Variants in SPTBN4 observed in about 807,000 individuals in gnomAD.
The protein encoded by SPTBN4 is spectrin beta, non-erythrocytic 4, also known as spectrin beta chain, non-erythrocytic 4.
Under a neutral mutation model 277.8 loss-of-function variants are expected in SPTBN4, and 96 were observed. The ratio of observed to expected loss-of-function variants is 0.35; its 90% CI spans 0.29 to 0.41. The LOEUF (loss-of-function observed/expected upper bound fraction) is 0.41, where lower values mean the gene tolerates loss of function less well. Ranked by LOEUF, SPTBN4 falls within the 10% of genes least tolerant of loss-of-function variation. SPTBN4 has a pLI of 1.00. For missense variants in SPTBN4, 3,006 were observed against 3,595.7 expected (o/e 0.84, Z 4.19); for synonymous variants, 1,481 against 1,580.3 (o/e 0.94, Z 1.49).
At chr19:40,562,184 G>A (rs1367562768) in intron 27 of SPTBN4, among the ~76,000 whole-genome samples, 2 of 152,170 alleles carry the variant, frequency 1.3e-5, no homozygotes, top group African/African-American at 2.4e-5. Context: ...TATGAGGAAC[G>A]TGGGAGCCAT....
chr19:40,513,097 C>T lies in SPTBN4; in HGVS notation c.2308C>T (p.Gln770Ter). 7.0e-7 allele frequency: 1 copy of T among 1,427,140 alleles called. No homozygotes were observed. Among genetic ancestry groups the T allele is most frequent in the Non-Finnish European group, 9.1e-7 (1 of 1,097,202 alleles). 88.4% of individuals were successfully genotyped at this position (1,427,140 alleles called of 1,614,324 possible). The change falls in exon 14 of 36, where the codon CAG becomes TAG. Residue 770 changes from glutamine to a stop codon, truncating the protein, a stop_gained. Coordinates refer to ENST00000598249, the MANE Select transcript of SPTBN4 (RefSeq NM_020971.3). LOFTEE classifies it high-confidence loss of function. The part of the protein sequence containing the change: ...EAAARRERRL[Q>*]EARALHQFGA... ...GGCGGCGCGGCGAGAGCGGCGGCTG[C>T]AGGAGGCGCGGGCGCTGCACCAGTT...
chr19:40,487,676 T>A, intron 2 of SPTBN4, 21 bp from the exon 3 acceptor site: 1 of 1,599,356 alleles, frequency 6.3e-7, no homozygotes, highest in Admixed American at 1.7e-5. Flanking sequence ...GCCTGGGGGC[T>A]CATCAGGGCC....
At chr19:40,574,919 G>A (rs1363160690) in intron 35 of SPTBN4, among the ~76,000 whole-genome samples, 1 of 150,476 alleles carries the variant, frequency 6.6e-6, no homozygotes, top group African/African-American at 2.5e-5. Context: ...GGAGACTGAG[G>A]CACAAGAATC....
rs41327144 is a variant in SPTBN4, at chr19:40,467,317, G to A, written c.-16+12G>A. 0.049 allele frequency: 7,477 copies of A among 152,272 alleles called. 225 individuals are homozygous for A. The highest frequency in any genetic ancestry group is 0.064 in the African/African-American group (2,670 of 41,506). 9.4% of individuals were successfully genotyped at this position (152,272 alleles called of 1,614,324 possible). A position where few individuals can be genotyped will look rare whatever the true frequency, so the allele number is the denominator to read the frequency against. ...GGCCGCGGGCCCAGGTGAGCTGCTAGGGGGGCCGACAGCCCCTCCCCCAAG... is the reference window on the plus strand; with the variant it reads ...GGCCGCGGGCCCAGGTGAGCTGCTAAGGGGGCCGACAGCCCCTCCCCCAAG... On this transcript the variant is annotated intron_variant, in intron 1 of 35. Coordinates refer to ENST00000598249, the MANE Select transcript of SPTBN4 (RefSeq NM_020971.3).
intron 27 of SPTBN4, among the ~76,000 whole-genome samples, chr19:40,561,822 CAA>C (rs59811599): frequency 1.9e-4 from 11 of 58,524 alleles, no homozygotes; most frequent in East Asian, 4.8e-4. Flanking sequence ...AACTCCGTCT[CAA>C]AAAAAAAAAA....
At chr19:40,561,683 A>G (rs900876154) in intron 27 of SPTBN4, among the ~76,000 whole-genome samples, 1 of 151,980 alleles carries the variant, frequency 6.6e-6, no homozygotes, top group African/African-American at 2.4e-5. Flanking sequence ...TTAGCCAGGC[A>G]TAGTGGTGGA....
chr19:40,495,003 G>A, intron 6 of SPTBN4, 26 bp downstream of exon 6: 9 of 1,611,194 alleles, frequency 5.6e-6, no homozygotes, highest in Non-Finnish European at 7.6e-6. Context: ...GGACAGCCCA[G>A]TCCTGCCCTT....
At position 40,557,693 on chromosome 19, in the gene SPTBN4, G is replaced by A. The variant is rs576780618; in HGVS notation, c.5670+290G>A. On this transcript the variant is annotated intron_variant, in intron 26 of 35. Transcript: ENST00000598249. ...CTCCCTTTGGGAGGCCAACGCAGGCGGATCATCTGAGGTCAGGAGTTTAAG... is the reference window on the plus strand; with the variant it reads ...CTCCCTTTGGGAGGCCAACGCAGGCAGATCATCTGAGGTCAGGAGTTTAAG... 7.2e-5 allele frequency among the ~76,000 whole-genome samples: 11 copies of A among 152,190 alleles called. No individual in the cohort carries two copies. In the South Asian group the frequency reaches 1.9e-3, roughly 26 times the overall value.
In SPTBN4 at chr19:40,515,291, G is replaced by A; in HGVS notation, c.2766-20G>A. 6.2e-7 allele frequency: 1 copy of A among 1,611,368 alleles called. No individual in the cohort carries two copies. The highest frequency in any genetic ancestry group is 8.5e-7 in the Non-Finnish European group (1 of 1,178,962). On this transcript the variant is annotated intron_variant, in intron 14 of 35. Coordinates refer to ENST00000598249, the MANE Select transcript of SPTBN4 (RefSeq NM_020971.3). This position sits in a 1 kb window ranked among gnomAD's most constrained non-coding sequence, Gnocchi z 4.1. ...AGGTCCGCAGGGTTCGGGTGTCTGA[G>A]CATCTCCATCCTCCTGCAGATTCGA...
intron 21 of SPTBN4, 117 bp from the exon 22 acceptor site, chr19:40,550,121 C>G (rs572333237): frequency 1.4e-6 from 1 of 726,498 alleles, no homozygotes; most frequent in Non-Finnish European, 2.2e-6. Flanking sequence ...GCTGAATATT[C>G]AACTGGGCTC....
At chr19:40,558,306 G>A (rs1479635294) in intron 26 of SPTBN4, among the ~76,000 whole-genome samples, 5 of 151,308 alleles carry the variant, frequency 3.3e-5, no homozygotes, top group Non-Finnish European at 5.9e-5. Context: ...GCAGTGAGCC[G>A]AGATCGCGCC....
In SPTBN4 at chr19:40,554,393, G is replaced by A; in HGVS notation, c.4921G>A (p.Glu1641Lys). Reference protein sequence around the residue: ...AEVEAWLGEQELLMMSEDKGK... With the variant: ...AEVEAWLGEQKLLMMSEDKGK... ...GGTGGAGGCGTGGCTGGGCGAGCAG[G>A]AGCTGCTCATGATGAGTGAGGACAA... is the stretch of plus-strand genomic sequence containing the variant. The change falls in exon 23 of 36, where the codon GAG becomes AAG. Residue 1641 changes from glutamate to lysine, a missense_variant. Glu to Lys is a moderately conservative substitution (Grantham distance 56). Transcript: ENST00000598249. The surrounding 1 kb of genome is among the most constrained non-coding windows in gnomAD (Gnocchi z 5.7). 6.3e-7 allele frequency: 1 copy of A among 1,589,784 alleles called. No homozygotes were observed.
At chr19:40,566,874 A>C (rs1014450533) in intron 30 of SPTBN4, among the ~76,000 whole-genome samples, 1 of 151,898 alleles carries the variant, frequency 6.6e-6, no homozygotes, top group East Asian at 1.9e-4. Context: ...CTGAGGCAGG[A>C]TAATCACTTG....
In SPTBN4 at chr19:40,473,992, A is replaced by G. The variant is rs555297137; in HGVS notation, c.169+1202A>G. ...CCCTGTCTCTACTAAAAATAAAAAT[A>G]AAAAAAAAAATTAGCCAGGCGTGGT... On this transcript the variant is annotated intron_variant, in intron 2 of 35. Coordinates refer to ENST00000598249, the MANE Select transcript of SPTBN4 (RefSeq NM_020971.3). 3.3e-3 allele frequency among the ~76,000 whole-genome samples: 383 copies of G among 116,668 alleles called. 1 individual carries two copies. Among genetic ancestry groups the G allele is most frequent in the Non-Finnish European group, 5.9e-3 (294 of 49,948 alleles). 76.5% of individuals were successfully genotyped at this position (116,668 alleles called of 152,430 possible). A position where few individuals can be genotyped will look rare whatever the true frequency, so the allele number is the denominator to read the frequency against.
intron 35 of SPTBN4, among the ~76,000 whole-genome samples, chr19:40,574,609 G>A (rs59554942): frequency 2.6e-5 from 4 of 151,466 alleles, no homozygotes; most frequent in Non-Finnish European, 4.4e-5. Context: ...TGATCCACCC[G>A]CCTCAGCCTC....
chr19:40,508,179 C>T (rs2145857379), intron 13 of SPTBN4, among the ~76,000 whole-genome samples: 1 of 152,282 alleles, frequency 6.6e-6, no homozygotes, highest in East Asian at 1.9e-4. Context: ...AAGGCTTAGA[C>T]TGAAAAAGAG....
intron 32 of SPTBN4, among the ~76,000 whole-genome samples, chr19:40,570,203 C>G (rs2145959206): frequency 6.9e-6 from 1 of 145,448 alleles, no homozygotes; most frequent in Middle Eastern, 3.4e-3. Flanking sequence ...AGAGATCTGG[C>G]TGCCTCTTTC....
rs1041628151 is a variant in SPTBN4, at chr19:40,560,709, G to A, written c.5915+306G>A. ...AAGACAGGATGGGCAAGGGAGGTGT[G>A]GGACTGTATTTGTGAGGGTGGGTGA... On this transcript the variant is annotated intron_variant, in intron 27 of 35. Transcript: ENST00000598249. The surrounding 1 kb of genome is among the most constrained non-coding windows in gnomAD (Gnocchi z 5.2). The A allele has an allele frequency of 1.1e-5, 15 of 1,401,370 alleles. No individual in the cohort carries two copies. The highest frequency in any genetic ancestry group is 7.4e-6 in the Non-Finnish European group (8 of 1,080,984). 86.8% of individuals were successfully genotyped at this position (1,401,370 alleles called of 1,614,324 possible). A position where few individuals can be genotyped will look rare whatever the true frequency, so the allele number is the denominator to read the frequency against.
intron 2 of SPTBN4, among the ~76,000 whole-genome samples, chr19:40,473,579 A>G (rs755291049): frequency 6.7e-6 from 1 of 149,482 alleles, no homozygotes; most frequent in Non-Finnish European, 1.5e-5. Context: ...CTGGTCTCGA[A>G]CTCCCAACCT....
Sources: allele counts gnomAD v4.1 joint callset (sites outside exome capture counted in the v4.1 genomes callset), GRCh38; gene constraint gnomAD v4.1.1; non-coding constraint Gnocchi (gnomAD v3.1); transcripts MANE v1.5; gene names NCBI Gene and HGNC (gene_info 2026-07-23, HGNC 2026-07-21).